The following SPATA13 variants were observed in gnomAD, a reference collection of about 807,000 sequenced individuals.
SPATA13 encodes the protein spermatogenesis-associated protein 13.
In SPATA13, 50 loss-of-function variants were observed where a neutral mutation model predicts 104.0. The ratio of observed to expected loss-of-function variants is 0.48; its 90% CI spans 0.38 to 0.61. The LOEUF (loss-of-function observed/expected upper bound fraction) is 0.61. Ranked by LOEUF, SPATA13 falls within the 20% of genes least tolerant of loss-of-function variation. The probability of loss-of-function intolerance (pLI) is 0.00; values close to 1 mark genes in which losing one functional copy is unlikely to be tolerated. For missense variants in SPATA13, 1,524 were observed against 1,690.6 expected, an observed-to-expected ratio of 0.90 and a Z score of 1.73; for synonymous variants, 606 against 667.5, an observed-to-expected ratio of 0.91 and a Z score of 1.42.
intron 3 of SPATA13, among the ~76,000 whole-genome samples, chr13:24,043,037 G>T (rs541644025): frequency 2.6e-5 from 4 of 152,330 alleles, no homozygotes; most frequent in African/African-American, 9.6e-5. Flanking sequence ...TATTGGCTCA[G>T]TTGAGTGGAA....
At chr13:23,990,422 GT>G (rs1403749887) in intron 2 of SPATA13, among the ~76,000 whole-genome samples, 1 of 152,104 alleles carries the variant, frequency 6.6e-6, no homozygotes. Context: ...ACACTCCACT[GT>G]TCCCAATAGT....
chr13:24,043,867 C>T (rs777199043), intron 3 of SPATA13, among the ~76,000 whole-genome samples: 5 of 152,192 alleles, frequency 3.3e-5, no homozygotes, highest in Non-Finnish European at 4.4e-5. Flanking sequence ...AATGAAGTCA[C>T]CCTCAAAATA....
At chr13:23,998,994 C>T (rs1433426999) in intron 2 of SPATA13, among the ~76,000 whole-genome samples, 1 of 149,406 alleles carries the variant, frequency 6.7e-6, no homozygotes, top group African/African-American at 2.5e-5. Flanking sequence ...GGCACAGTCT[C>T]TGTTTACTGC....
intron 2 of SPATA13, among the ~76,000 whole-genome samples, chr13:23,986,528 C>T (rs1378513302): frequency 6.6e-6 from 1 of 152,178 alleles, no homozygotes; most frequent in Non-Finnish European, 1.5e-5. Flanking sequence ...TCTCAAGGAT[C>T]AACCCCTTGG....
chr13:24,034,123 T>C (rs1877592134), intron 3 of SPATA13: 1 of 152,160 alleles, frequency 6.6e-6, no homozygotes, highest in African/African-American at 2.4e-5. Flanking sequence ...ACCGTCGACA[T>C]TTAGCAGCTG....
chr13:24,103,556 A>G (rs1334960301), intron 3 of SPATA13, among the ~76,000 whole-genome samples: 1 of 150,570 alleles, frequency 6.6e-6, no homozygotes, highest in African/African-American at 2.5e-5. Flanking sequence ...AGAGAGAGAG[A>G]GAAGAAAATA....
intron 1 of SPATA13, among the ~76,000 whole-genome samples, chr13:24,170,380 A>G (rs1882919777): frequency 6.6e-6 from 1 of 152,180 alleles, no homozygotes; most frequent in African/African-American, 2.4e-5. Flanking sequence ...ATTTTTGTTG[A>G]TGTCCTACCA....
At chr13:23,989,651 T>C (rs1229213194) in intron 2 of SPATA13, among the ~76,000 whole-genome samples, 1 of 152,216 alleles carries the variant, frequency 6.6e-6, no homozygotes, top group Non-Finnish European at 1.5e-5. Context: ...GCTGTCTTGC[T>C]TCTCCACATA....
chr13:24,129,286 G>A (rs1158206859), intron 3 of SPATA13, among the ~76,000 whole-genome samples: 1 of 152,216 alleles, frequency 6.6e-6, no homozygotes, highest in Non-Finnish European at 1.5e-5. Context: ...TGTCCCATGT[G>A]AGCATGAGGG....
chr13:24,022,256 G>A (rs1244217010), intron 3 of SPATA13, among the ~76,000 whole-genome samples: 3 of 147,782 alleles, frequency 2.0e-5, no homozygotes, highest in African/African-American at 5.0e-5. Flanking sequence ...GGCTGGTCTC[G>A]AACTCCTGAC....
At chr13:23,997,965 A>G (rs1875775061) in intron 2 of SPATA13, among the ~76,000 whole-genome samples, 1 of 152,200 alleles carries the variant, frequency 6.6e-6, no homozygotes, top group African/African-American at 2.4e-5. Flanking sequence ...TCATGCAGCC[A>G]GTTGGGAATG....
intron 1 of SPATA13, among the ~76,000 whole-genome samples, chr13:24,165,236 A>C (rs751685411): frequency 6.6e-6 from 1 of 152,128 alleles, no homozygotes; most frequent in African/African-American, 2.4e-5. Flanking sequence ...GAGAGCGCAG[A>C]CATTGTCACT....
intron 2 of SPATA13, among the ~76,000 whole-genome samples, chr13:23,987,806 G>T (rs777619496): frequency 1.3e-5 from 2 of 152,022 alleles, no homozygotes; most frequent in Non-Finnish European, 2.9e-5. Flanking sequence ...TCTACTTTCT[G>T]TCTCTATGAA....
chr13:24,123,424 T>C, intron 3 of SPATA13: 1 of 1,378,196 alleles, frequency 7.3e-7, no homozygotes, highest in Non-Finnish European at 1.0e-6. Flanking sequence ...AGTACATGAT[T>C]CTGCAACATG....
chr13:24,189,993 A>T (rs1481535621), intron 1 of SPATA13, among the ~76,000 whole-genome samples: 1 of 19,146 alleles, frequency 5.2e-5, no homozygotes, highest in Non-Finnish European at 1.7e-4. Context: ...ATAATTATAT[A>T]ACATATAATA....
At chr13:24,049,531 G>A (rs1878263272) in intron 3 of SPATA13, among the ~76,000 whole-genome samples, 1 of 152,056 alleles carries the variant, frequency 6.6e-6, no homozygotes, top group African/African-American at 2.4e-5. Flanking sequence ...AGAAATGCAT[G>A]ACTAGACCTA....
intron 3 of SPATA13, among the ~76,000 whole-genome samples, chr13:24,081,639 A>T (rs1191208317): frequency 6.6e-6 from 1 of 152,192 alleles, no homozygotes; most frequent in Non-Finnish European, 1.5e-5. Flanking sequence ...GCACAACTGC[A>T]CTGCAGCCTG....
At chr13:24,177,223 T>C (rs145946101) in intron 1 of SPATA13, among the ~76,000 whole-genome samples, 1 of 152,166 alleles carries the variant, frequency 6.6e-6, no homozygotes, top group Admixed American at 6.5e-5. Context: ...CTTTTAACAA[T>C]TAAGAAATTT....
chr13:24,271,547 G>A (rs1462426832), intron 4 of SPATA13, among the ~76,000 whole-genome samples: 1 of 152,080 alleles, frequency 6.6e-6, no homozygotes, highest in Non-Finnish European at 1.5e-5. Flanking sequence ...GTGAGTATTG[G>A]ACTATTTGGA....
Sources: gnomAD v4.1 joint callset for allele counts (sites outside exome capture counted in the v4.1 genomes callset) on GRCh38, gnomAD v4.1.1 for gene constraint, MANE v1.5 for transcripts, NCBI Gene and HGNC (gene_info 2026-07-23, HGNC 2026-07-21) for gene names.